HACE1: variants seen among roughly 807,000 people sequenced by gnomAD.
HACE1 encodes the protein HECT domain and ankyrin repeat containing E3 ubiquitin protein ligase 1, also known as E3 ubiquitin-protein ligase HACE1.
In HACE1, 73 loss-of-function variants were observed where a neutral mutation model predicts 118.4. The observed-to-expected ratio is 0.62, with a 90% CI of 0.51 to 0.75. The LOEUF (loss-of-function observed/expected upper bound fraction) is 0.75. Among genes scored for constraint, HACE1 ranks in the 30% least tolerant of loss-of-function variants. The pLI, the probability that HACE1 is intolerant of heterozygous loss-of-function variation, is 0.00. For synonymous variants in HACE1, 368 were observed against 374.8 expected (o/e 0.98, Z 0.21); for missense variants, 749 against 1,102.2 (o/e 0.68, Z 4.54).
intron 20 of HACE1, among the ~76,000 whole-genome samples, chr6:104,745,942 G>A (rs754491933): frequency 2.0e-5 from 3 of 152,118 alleles, no homozygotes; most frequent in Non-Finnish European, 4.4e-5. Context: ...ATGAGGTTGA[G>A]TTTTCTTCAT....
chr6:104,794,870 G>A (rs1268215421), intron 10 of HACE1, among the ~76,000 whole-genome samples: 2 of 151,870 alleles, frequency 1.3e-5, no homozygotes, highest in East Asian at 3.9e-4. Flanking sequence ...GTGCTGCCTG[G>A]GTAACAGAGT....
intron 7 of HACE1, among the ~76,000 whole-genome samples, chr6:104,802,472 G>T (rs778209302): frequency 6.6e-5 from 10 of 152,176 alleles, no homozygotes; most frequent in Admixed American, 1.3e-4. Flanking sequence ...TCGAAGTAAA[G>T]CACTCCTCAG....
At chr6:104,778,728 A>G (rs1355061337) in intron 14 of HACE1, among the ~76,000 whole-genome samples, 2 of 151,986 alleles carry the variant, frequency 1.3e-5, no homozygotes, top group East Asian at 3.9e-4. Context: ...TTAACCCAGG[A>G]GTTCAAGGCT....
intron 19 of HACE1, among the ~76,000 whole-genome samples, chr6:104,768,705 C>T (rs1013068018): frequency 3.3e-5 from 5 of 152,010 alleles, no homozygotes; most frequent in Admixed American, 6.6e-5. Flanking sequence ...CTCCTAATTA[C>T]TTAAAAAAGT....
chr6:104,740,379 G>A (rs1270592465), intron 22 of HACE1, among the ~76,000 whole-genome samples: 1 of 151,610 alleles, frequency 6.6e-6, no homozygotes, highest in African/African-American at 2.4e-5. Context: ...GAATCCAGGA[G>A]GTGGTTTTTT....
chr6:104,774,246 C>T lies in HACE1; in HGVS notation c.1865-2172G>A, dbSNP rs1235960700. 3.1e-5 allele frequency among the ~76,000 whole-genome samples: 4 copies of T among 129,504 alleles called. 1 individual carries two copies. The highest frequency in any genetic ancestry group is 1.4e-4 in the African/African-American group (4 of 29,438). The allele number at this position is 129,504 out of a possible 152,430, so 85.0% of individuals were successfully genotyped here. A position where few individuals can be genotyped will look rare whatever the true frequency, so the allele number is the denominator to read the frequency against. On this transcript the variant is annotated intron_variant, in intron 17 of 23. Transcript: ENST00000262903. ...CTGGGACTACAGGCGCCCGCCACTACGCCCGGCTAATTTTTTTGTATTTTT... is the reference window on the plus strand; with the variant it reads ...CTGGGACTACAGGCGCCCGCCACTATGCCCGGCTAATTTTTTTGTATTTTT...
chr6:104,758,403 T>G (rs932068099), intron 19 of HACE1, among the ~76,000 whole-genome samples: 3 of 152,192 alleles, frequency 2.0e-5, no homozygotes, highest in Non-Finnish European at 4.4e-5. Context: ...TTCAGTATTC[T>G]TAAAGAAAAG....
At chr6:104,753,437 T>C (rs1237244617) in intron 19 of HACE1, among the ~76,000 whole-genome samples, 1 of 152,206 alleles carries the variant, frequency 6.6e-6, no homozygotes, top group Non-Finnish European at 1.5e-5. Context: ...CCTTGTGACT[T>C]GTTAAGATCT....
intron 19 of HACE1, among the ~76,000 whole-genome samples, chr6:104,769,469 G>T (rs1431777530): frequency 2.6e-5 from 4 of 152,082 alleles, no homozygotes; most frequent in African/African-American, 9.6e-5. Flanking sequence ...CTTAATTGAG[G>T]GTAGGCCTCC....
At chr6:104,798,036 C>A (rs1769872004) in intron 7 of HACE1, among the ~76,000 whole-genome samples, 1 of 149,336 alleles carries the variant, frequency 6.7e-6, no homozygotes. Flanking sequence ...CCACTGCACT[C>A]CAGCCTGGGT....
At chr6:104,741,340 T>C (rs867615958) in intron 22 of HACE1, among the ~76,000 whole-genome samples, 1 of 148,584 alleles carries the variant, frequency 6.7e-6, no homozygotes, top group Admixed American at 6.7e-5. Flanking sequence ...ATATAAAGGG[T>C]ATTCAATTAG....
chr6:104,822,812 G>A (rs1015744235), intron 6 of HACE1, among the ~76,000 whole-genome samples: 11 of 151,414 alleles, frequency 7.3e-5, no homozygotes, highest in East Asian at 2.0e-4. Context: ...AGCGGAGATC[G>A]CGCCACTGCA....
At chr6:104,825,408 C>T (rs576255537) in intron 6 of HACE1, among the ~76,000 whole-genome samples, 20 of 152,166 alleles carry the variant, frequency 1.3e-4, no homozygotes, top group Non-Finnish European at 1.9e-4. Flanking sequence ...ACTTCAGCCT[C>T]GGATTGGTTG....
At position 104,752,247 on chromosome 6, in the gene HACE1, C is replaced by T. The variant is rs370062370; in HGVS notation, c.2212-1775G>A. 5.3e-5 allele frequency among the ~76,000 whole-genome samples: 8 copies of T among 152,232 alleles called. No individual in the cohort carries two copies. The East Asian group carries it at 1.2e-3, about 22-fold the overall frequency. On this transcript the variant is annotated intron_variant, in intron 19 of 23. Transcript: ENST00000262903. The stretch of plus-strand genomic sequence containing the variant: ...ATCAGCTACAAGTCACATACAGGTA[C>T]TTATTATAGAGAGGGAGACAGAAAT...
intron 14 of HACE1, among the ~76,000 whole-genome samples, chr6:104,782,806 A>T (rs1469307812): frequency 6.6e-6 from 1 of 152,180 alleles, no homozygotes; most frequent in Admixed American, 6.5e-5. Context: ...TTCATAGCTT[A>T]ACTTCTGAAA....
rs1777924850 is a variant in HACE1, at chr6:104,750,492, CATG to C, written c.2212-23_2212-21del. 1.2e-6 allele frequency: 2 copies of C among 1,610,744 alleles called. No homozygotes were observed. Among genetic ancestry groups the C allele is most frequent in the African/African-American group, 2.7e-5 (2 of 74,944 alleles). On this transcript the variant is annotated intron_variant, in intron 19 of 23. Transcript: ENST00000262903. Reference sequence around the variant, plus strand: ...CTCCGCCTGTTGAAAAAGAAGTTTTCATGATGACTTTTCAAAAACCTTTTACAT... The same window carrying C: ...CTCCGCCTGTTGAAAAAGAAGTTTTCATGACTTTTCAAAAACCTTTTACAT...
chr6:104,787,114 A>C (rs565530647), intron 11 of HACE1: 1 of 152,248 alleles, frequency 6.6e-6, no homozygotes, highest in Non-Finnish European at 1.5e-5. Context: ...TTACACGTTC[A>C]ACCAAAAAGC....
In HACE1 at chr6:104,762,989, CAAAAA is replaced by C. The variant is rs56232124; in HGVS notation, c.2211+8199_2211+8203del. Among the ~76,000 whole-genome samples, 2 of 32,254 alleles carry C rather than the reference CAAAAA, an allele frequency of 6.2e-5. 1 individual carries two copies. Among genetic ancestry groups the C allele is most frequent in the African/African-American group, 2.5e-4 (2 of 8,036 alleles). The allele number at this position is 32,254 out of a possible 152,430, so 21.2% of individuals were successfully genotyped here. A position where few individuals can be genotyped will look rare whatever the true frequency, so the allele number is the denominator to read the frequency against. ...TGGGCAACAGAGTAAGACTCCATCT[CAAAAA>C]AAAAAAAAAAAAAAAAAGAATCAGT... On this transcript the variant is annotated intron_variant, in intron 19 of 23. Transcript: ENST00000262903.
rs60516222 is a variant in HACE1, at chr6:104,792,554, G to A, written c.924-900C>T. Reference sequence around the variant, plus strand: ...TCAGTTATCTTGTATCACAAATGTCGGAGCAAAGCAAAGAGTTGCATGAAC... The same window carrying A: ...TCAGTTATCTTGTATCACAAATGTCAGAGCAAAGCAAAGAGTTGCATGAAC... On this transcript the variant is annotated intron_variant, in intron 10 of 23. Transcript: ENST00000262903. 9.9e-3 allele frequency among the ~76,000 whole-genome samples: 1,508 copies of A among 152,086 alleles called. 32 individuals carry two copies. The highest frequency in any genetic ancestry group is 0.035 in the African/African-American group (1,444 of 41,482).
Sources: gnomAD v4.1 joint callset for allele counts (sites outside exome capture counted in the v4.1 genomes callset) on GRCh38, gnomAD v4.1.1 for gene constraint, MANE v1.5 for transcripts, NCBI Gene and HGNC (gene_info 2026-07-23, HGNC 2026-07-21) for gene names.